Variants in PCDHGA4 observed in about 807,000 individuals in gnomAD.
PCDHGA4 encodes the protein protocadherin gamma-A4.
PCDHGA4 carries 38 observed loss-of-function variants against 54.6 expected under a neutral mutation model. That is an observed-to-expected ratio of 0.70 (90% CI 0.54 to 0.91). The LOEUF (loss-of-function observed/expected upper bound fraction) is 0.91, where lower values mean the gene tolerates loss of function less well. PCDHGA4 is among the 40% of genes least tolerant of loss of function. The probability of loss-of-function intolerance (pLI) is 0.00; values close to 1 mark genes in which losing one functional copy is unlikely to be tolerated. For synonymous variants in PCDHGA4, 511 were observed against 512.9 expected, an observed-to-expected ratio of 1.00 and a Z score of 0.05; for missense variants, 1,298 against 1,220.9, an observed-to-expected ratio of 1.06 and a Z score of -0.94.
intron 1 of PCDHGA4, chr5:141,422,210 T>C: frequency 6.4e-7 from 1 of 1,562,390 alleles, no homozygotes; most frequent in South Asian, 1.2e-5. Flanking sequence ...GGTGGAGGTC[T>C]CTTTACCACC....
At chr5:141,409,617 C>A (rs2095293168) in intron 1 of PCDHGA4, 1 of 1,613,748 alleles carries the variant, frequency 6.2e-7, no homozygotes, top group South Asian at 1.1e-5. Context: ...GCCTCCATTG[C>A]GCAAGTGAGC....
chr5:141,373,523 C>CA (rs1248195840), intron 1 of PCDHGA4, among the ~76,000 whole-genome samples: 5 of 151,934 alleles, frequency 3.3e-5, no homozygotes, highest in African/African-American at 7.3e-5. Flanking sequence ...ACTTTGTCTC[C>CA]AAAAAAGTGT....
At chr5:141,437,939 T>C (rs1055613655) in intron 1 of PCDHGA4, among the ~76,000 whole-genome samples, 3 of 152,152 alleles carry the variant, frequency 2.0e-5, no homozygotes, top group African/African-American at 7.2e-5. Flanking sequence ...GGTTTCACCA[T>C]ATTGGCCAGA....
intron 1 of PCDHGA4, among the ~76,000 whole-genome samples, chr5:141,482,530 CAA>C (rs3074545): frequency 2.5e-4 from 19 of 76,528 alleles, no homozygotes; most frequent in East Asian, 4.2e-4. Context: ...GACAGACATG[CAA>C]AAAAAAAAAA....
chr5:141,398,684 A>G (rs752285568), intron 1 of PCDHGA4: 1 of 1,613,958 alleles, frequency 6.2e-7, no homozygotes, highest in Admixed American at 1.7e-5. Context: ...AAGGAGAAAC[A>G]GGATGGTAGT....
rs777670481 is a variant in PCDHGA4, at chr5:141,385,026, C to T, written c.2514+27405C>T. 2.5e-6 allele frequency: 4 copies of T among 1,614,190 alleles called. No homozygotes were observed. The East Asian group carries it at 6.7e-5, about 27-fold the overall frequency. On this transcript the variant is annotated intron_variant, in intron 1 of 3. Coordinates refer to ENST00000571252, the MANE Select transcript of PCDHGA4 (RefSeq NM_018917.4). Reference sequence around the variant, plus strand: ...CCTGCGTCTTCCTAGCCTTCGTCCTCGTACTGCTGGCGCTCAGGCTGCGGC... The same window carrying T: ...CCTGCGTCTTCCTAGCCTTCGTCCTTGTACTGCTGGCGCTCAGGCTGCGGC...
At chr5:141,387,441 T>G (rs2150335837) in intron 1 of PCDHGA4, among the ~76,000 whole-genome samples, 1 of 152,370 alleles carries the variant, frequency 6.6e-6, no homozygotes, top group South Asian at 2.1e-4. Flanking sequence ...ATGTACTTAA[T>G]CTACATGATT....
intron 2 of PCDHGA4, among the ~76,000 whole-genome samples, chr5:141,504,621 T>A (rs1185981312): frequency 7.9e-6 from 1 of 126,856 alleles, no homozygotes; most frequent in Non-Finnish European, 1.6e-5. Flanking sequence ...GATAGGAAAG[T>A]GCACCTTGGA....
At chr5:141,374,556 A>G in intron 1 of PCDHGA4, 3 of 1,613,690 alleles carry the variant, frequency 1.9e-6, no homozygotes, top group Non-Finnish European at 1.7e-6. Context: ...ATGGAGGTCT[A>G]TGACCCTGAT....
At chr5:141,413,090 C>A in intron 1 of PCDHGA4, 2 of 1,391,312 alleles carry the variant, frequency 1.4e-6, no homozygotes, top group Non-Finnish European at 1.9e-6. Flanking sequence ...ACAGAGACAC[C>A]CTGAAGCCAC....
rs1329435709 is a variant in PCDHGA4 at position 141,485,726 on chromosome 5, C to T, written c.2515-9081C>T. ...ACACTTTGCACTGGATGTGAAGAAGCGCAGCGACGGCAGCCTGGTCCCAGA... is the reference window on the plus strand; with the variant it reads ...ACACTTTGCACTGGATGTGAAGAAGTGCAGCGACGGCAGCCTGGTCCCAGA... On this transcript the variant is annotated intron_variant, in intron 1 of 3. Coordinates refer to ENST00000571252, the MANE Select transcript of PCDHGA4 (RefSeq NM_018917.4). This position sits in a 1 kb window ranked among gnomAD's most constrained non-coding sequence, Gnocchi z 5.7. 2 of 1,614,138 alleles carry T rather than the reference C, an allele frequency of 1.2e-6. No homozygotes were observed. The highest frequency in any genetic ancestry group is 8.5e-7 in the Non-Finnish European group (1 of 1,180,024).
intron 1 of PCDHGA4, chr5:141,479,313 G>C (rs926148640): frequency 2.0e-5 from 3 of 152,456 alleles, no homozygotes; most frequent in Non-Finnish European, 2.9e-5. Context: ...AAAACATAAA[G>C]TAGCCAGACT....
intron 1 of PCDHGA4, chr5:141,412,074 A>G (rs751287485): frequency 2.0e-5 from 3 of 152,184 alleles, no homozygotes; most frequent in Non-Finnish European, 4.4e-5. Context: ...TGAGGGAACA[A>G]TTGCTACTGG....
intron 1 of PCDHGA4, among the ~76,000 whole-genome samples, chr5:141,447,535 G>T (rs1366016262): frequency 3.3e-5 from 5 of 152,162 alleles, no homozygotes; most frequent in Admixed American, 6.5e-5. Flanking sequence ...AAATTGTTGG[G>T]TTTTAATGTT....
chr5:141,365,946 AC>A (rs774882856), intron 1 of PCDHGA4: 230 of 1,614,020 alleles, frequency 1.4e-4, no homozygotes, highest in Non-Finnish European at 1.9e-4. Flanking sequence ...GACAGTGGGA[AC>A]CCTCCACTTA....
At chr5:141,467,005 G>A (rs1365805332) in intron 1 of PCDHGA4, among the ~76,000 whole-genome samples, 3 of 150,724 alleles carry the variant, frequency 2.0e-5, no homozygotes, top group Non-Finnish European at 4.4e-5. Flanking sequence ...TTTTTGCAAT[G>A]CAATTTTTTT....
At chr5:141,365,434 G>A (rs770375441) in intron 1 of PCDHGA4, 6 of 1,613,902 alleles carry the variant, frequency 3.7e-6, no homozygotes, top group Non-Finnish European at 5.1e-6. Context: ...TAATCGCGCT[G>A]TTTAGCGTAC....
At chr5:141,467,564 G>A (rs926613546) in intron 1 of PCDHGA4, among the ~76,000 whole-genome samples, 5 of 152,152 alleles carry the variant, frequency 3.3e-5, no homozygotes, top group Admixed American at 3.3e-4. Flanking sequence ...TTCCCAAATG[G>A]CTATCCAGTT....
intron 1 of PCDHGA4, chr5:141,389,914 C>T (rs754458764): frequency 6.2e-7 from 1 of 1,613,956 alleles, no homozygotes; most frequent in South Asian, 1.1e-5. Flanking sequence ...ACTGACCGCC[C>T]CGACCCCTCT....
Sources: gnomAD v4.1 joint callset for allele counts (sites outside exome capture counted in the v4.1 genomes callset) on GRCh38, gnomAD v4.1.1 for gene constraint, Gnocchi (gnomAD v3.1) non-coding constraint, MANE v1.5 for transcripts, NCBI Gene and HGNC (gene_info 2026-07-23, HGNC 2026-07-21) for gene names.